Variants in ROS1 observed in about 807,000 individuals in gnomAD.
ROS1 encodes ROS proto-oncogene 1, receptor tyrosine kinase.
A neutral mutation model predicts 273.5 loss-of-function variants in ROS1; 263 were observed. The observed-to-expected ratio is 0.96, with a 90% CI of 0.87 to 1.06. ROS1 has a LOEUF of 1.06. Among genes scored for constraint, ROS1 ranks in the 50% least tolerant of loss-of-function variants. ROS1 has a pLI of 0.00. For synonymous variants in ROS1, 1,008 were observed against 954.1 expected (o/e 1.06, Z -1.04); for missense variants, 2,833 against 2,751.1 (o/e 1.03, Z -0.67).
chr6:117,336,400 C>T (rs1335773090), intron 32 of ROS1, among the ~76,000 whole-genome samples: 1 of 152,100 alleles, frequency 6.6e-6, no homozygotes, highest in African/African-American at 2.4e-5. Flanking sequence ...TCAGCTCCCA[C>T]TTGTAAGTGA....
intron 41 of ROS1, 106 bp downstream of exon 41, chr6:117,309,975 G>C (rs1336658025): frequency 6.2e-6 from 6 of 970,612 alleles, no homozygotes; most frequent in African/African-American, 4.8e-5. Flanking sequence ...AATCTCTCTG[G>C]TCTTCTGTTT....
At chr6:117,336,144 T>C (rs1293538295) in intron 32 of ROS1, among the ~76,000 whole-genome samples, 2 of 151,964 alleles carry the variant, frequency 1.3e-5, no homozygotes, top group Non-Finnish European at 2.9e-5. Flanking sequence ...TTTGGAGCAT[T>C]TTCCCTCCAT....
At chr6:117,354,336 G>C (rs972946094) in intron 26 of ROS1, among the ~76,000 whole-genome samples, 3 of 151,512 alleles carry the variant, frequency 2.0e-5, no homozygotes, top group Non-Finnish European at 2.9e-5. Context: ...CTGGGCAACA[G>C]AGTGAGACCC....
Position 117,304,257 on chromosome 6 carries a change from C to T in ROS1, c.6552-3120G>A, listed in dbSNP as rs191185453. 1.2e-3 allele frequency among the ~76,000 whole-genome samples: 182 copies of T among 152,170 alleles called. 1 individual carries two copies. Among genetic ancestry groups the T allele is most frequent in the African/African-American group, 4.2e-3 (176 of 41,510 alleles). On this transcript the variant is annotated intron_variant, in intron 42 of 43. Coordinates refer to ENST00000368507, the MANE Select transcript of ROS1 (RefSeq NM_001378902.1). ...AAAGATGTCAATGAAGGATCATTAG[C>T]CTTTGAAATGAGATATTATAATCGA...
intron 5 of ROS1, among the ~76,000 whole-genome samples, chr6:117,405,565 A>C (rs1349170853): frequency 1.3e-5 from 2 of 152,218 alleles, no homozygotes. Flanking sequence ...CAGAAATGAC[A>C]AAAGTTGAGA....
intron 12 of ROS1, among the ~76,000 whole-genome samples, chr6:117,392,033 C>T (rs892964205): frequency 1.3e-5 from 2 of 152,100 alleles, no homozygotes; most frequent in African/African-American, 4.8e-5. Context: ...CCTCAGTGAT[C>T]GCATTTGAAT....
intron 36 of ROS1, 140 bp downstream of exon 36, chr6:117,321,119 A>C: frequency 3.6e-6 from 3 of 833,826 alleles, no homozygotes; most frequent in Non-Finnish European, 3.5e-6. Flanking sequence ...TGAGAGTGGA[A>C]GAGGAAGTTA....
chr6:117,290,549 A>G (rs1407940851), intron 43 of ROS1, among the ~76,000 whole-genome samples: 1 of 152,226 alleles, frequency 6.6e-6, no homozygotes, highest in Non-Finnish European at 1.5e-5. Context: ...TAAAATAAAG[A>G]CTTCCAAGTA....
At chr6:117,399,702 G>T (rs1283385373) in intron 7 of ROS1, among the ~76,000 whole-genome samples, 2 of 152,202 alleles carry the variant, frequency 1.3e-5, no homozygotes, top group African/African-American at 2.4e-5. Flanking sequence ...TTCCTCTAAG[G>T]CTTCTAGGCT....
chr6:117,309,168 A>C (rs561662403), intron 41 of ROS1, among the ~76,000 whole-genome samples: 4 of 152,236 alleles, frequency 2.6e-5, no homozygotes, highest in Non-Finnish European at 5.9e-5. Context: ...ACACATGTGC[A>C]CACACAGAGA....
rs559426208 is a variant in ROS1, at chr6:117,347,165, A to G, written c.4304-2903T>C. Among the ~76,000 whole-genome samples, 37 of 152,302 alleles carry G rather than the reference A, an allele frequency of 2.4e-4. 1 individual carries two copies. The highest frequency in any genetic ancestry group is 7.7e-4 in the African/African-American group (32 of 41,584). ...TATAGATAAGTTGAGAAGAAATGAC[A>G]TCTTGACAATATTGAGTCTTCCTAT... On this transcript the variant is annotated intron_variant, in intron 27 of 43. Coordinates refer to ENST00000368507, the MANE Select transcript of ROS1 (RefSeq NM_001378902.1).
chr6:117,342,782 T>C (rs772514819), intron 28 of ROS1, among the ~76,000 whole-genome samples: 3 of 152,186 alleles, frequency 2.0e-5, no homozygotes, highest in Admixed American at 6.5e-5. Flanking sequence ...GCATAAATTG[T>C]TTCACATGGG....
At position 117,357,942 on chromosome 6, in the gene ROS1, T is replaced by A. The variant is rs56192249; in HGVS notation, c.3701A>T (p.Tyr1234Phe). The A allele has an allele frequency of 7.8e-5, 126 of 1,613,708 alleles. 1 individual carries two copies. In the East Asian group the frequency reaches 2.5e-3, roughly 32 times the overall value. ...ITIDWISRHL[Y>F]FALKESQNGM... Reference sequence around the variant, plus strand: ...ATTTTGTGATTCTTTCAGTGCAAAGTAGAGGTGCCTTGAAATCCAGTCAAT... The same window carrying A: ...ATTTTGTGATTCTTTCAGTGCAAAGAAGAGGTGCCTTGAAATCCAGTCAAT... The change falls in exon 25 of 44, where the codon TAC becomes TTC. Residue 1234 changes from tyrosine to phenylalanine, a missense_variant. By Grantham distance (22) the Tyr-to-Phe change is conservative. Transcript: ENST00000368507.
chr6:117,329,085 A>G (rs1776860137), intron 33 of ROS1, among the ~76,000 whole-genome samples: 1 of 152,220 alleles, frequency 6.6e-6, no homozygotes, highest in Non-Finnish European at 1.5e-5. Flanking sequence ...TGATCAAACA[A>G]TTTCCATAAA....
At chr6:117,360,448 G>A (rs770255781) in intron 22 of ROS1, 43 bp from the exon 23 acceptor site, 26 of 1,383,922 alleles carry the variant, frequency 1.9e-5, no homozygotes, top group Middle Eastern at 3.6e-4. Flanking sequence ...AGTGTTCTCC[G>A]TGGCAACAAT....
chr6:117,413,995 A>G (rs1313840498), intron 4 of ROS1, among the ~76,000 whole-genome samples: 1 of 148,826 alleles, frequency 6.7e-6, no homozygotes, highest in African/African-American at 2.5e-5. Context: ...GAAAGAAAAG[A>G]AAGAGAGAGA....
chr6:117,375,399 C>A (rs184399283), intron 18 of ROS1, among the ~76,000 whole-genome samples: 8 of 146,190 alleles, frequency 5.5e-5, no homozygotes, highest in African/African-American at 2.0e-4. Context: ...AAGAACTTAT[C>A]CATGTAACCA....
intron 5 of ROS1, among the ~76,000 whole-genome samples, chr6:117,407,201 G>T (rs1774483290): frequency 6.6e-6 from 1 of 152,126 alleles, no homozygotes; most frequent in Non-Finnish European, 1.5e-5. Context: ...GCCACTGAGA[G>T]CAAGGAACAA....
intron 7 of ROS1, among the ~76,000 whole-genome samples, chr6:117,398,957 C>T (rs894214981): frequency 4.1e-5 from 6 of 147,356 alleles, no homozygotes; most frequent in African/African-American, 5.0e-5. Context: ...TGGGCAACAG[C>T]GAGACTCTGT....
Sources: allele counts gnomAD v4.1 joint callset (sites outside exome capture counted in the v4.1 genomes callset), GRCh38; gene constraint gnomAD v4.1.1; transcripts MANE v1.5; gene names NCBI Gene and HGNC (gene_info 2026-07-23, HGNC 2026-07-21).